ODAPH: variants seen among roughly 807,000 people sequenced by gnomAD.
The protein encoded by ODAPH is amelogenesis imperfecta type IIA4.
ODAPH carries 2 observed loss-of-function variants against 2.8 expected under a neutral mutation model. The ratio of observed to expected loss-of-function variants is 0.72; its 90% confidence interval spans 0.30 to 2.28. The LOEUF (loss-of-function observed/expected upper bound fraction) is 2.28. Among genes scored for constraint, ODAPH ranks in the 30% most tolerant of loss-of-function variants. The pLI, the probability that ODAPH is intolerant of heterozygous loss-of-function variation, is 0.13. For synonymous variants in ODAPH, 75 were observed against 60.3 expected, an observed-to-expected ratio of 1.24 and a Z score of -1.13; for missense variants, 159 against 163.3, an observed-to-expected ratio of 0.97 and a Z score of 0.14.
intron 1 of ODAPH, chr4:75,563,351 G>C (rs2148845591): frequency 6.5e-6 from 1 of 153,994 alleles, no homozygotes; most frequent in East Asian, 1.9e-4. Context: ...TAAAGGTAAG[G>C]CTTGATTACA....
intron 1 of ODAPH, among the ~76,000 whole-genome samples, chr4:75,559,968 C>T (rs555428223): frequency 2.4e-4 from 37 of 152,286 alleles, no homozygotes; most frequent in Admixed American, 6.5e-4. Flanking sequence ...TTAACCAAGC[C>T]TCTGGGTAGG....
chr4:75,562,561 A>AACT (rs1228524578), intron 1 of ODAPH, among the ~76,000 whole-genome samples: 5 of 152,236 alleles, frequency 3.3e-5, no homozygotes, highest in African/African-American at 4.8e-5. Context: ...GCTGGTCTCG[A>AACT]ACTACTGACC....
In ODAPH at chr4:75,562,320, C is replaced by A. The variant is rs910390121; in HGVS notation, c.68-1794C>A. Reference sequence around the variant, plus strand: ...TCCTTTATAAGTGCCTCAGCACTCTCAACTTCCTGTGGGAAGTTCTTTTTT... The same window carrying A: ...TCCTTTATAAGTGCCTCAGCACTCTAAACTTCCTGTGGGAAGTTCTTTTTT... On this transcript the variant is annotated intron_variant, in intron 1 of 1. Transcript: ENST00000311623. Among the ~76,000 whole-genome samples, 9 of 151,650 alleles carry A rather than the reference C, an allele frequency of 5.9e-5. No homozygotes were observed. In the East Asian group the frequency reaches 1.2e-3, roughly 20 times the overall value.
chr4:75,563,005 CTT>C (rs542417085), intron 1 of ODAPH, among the ~76,000 whole-genome samples: 5 of 59,598 alleles, frequency 8.4e-5, no homozygotes, highest in Admixed American at 2.7e-4. Flanking sequence ...ATCCACACAT[CTT>C]TTTTTTTTTT....
In ODAPH at chr4:75,564,685, A is replaced by C. The variant is rs1391166254; in HGVS notation, c.*246A>C. On this transcript the variant is annotated 3_prime_UTR_variant, in exon 2 of 2. Transcript: ENST00000311623. ...TTTATCCTCAACCTCTTATGGTCACAGGATATTTATGCAAATAAAATCTTT... is the reference window on the plus strand; with the variant it reads ...TTTATCCTCAACCTCTTATGGTCACCGGATATTTATGCAAATAAAATCTTT... 3 of 727,174 alleles carry C rather than the reference A, an allele frequency of 4.1e-6. No homozygotes were observed. The highest frequency in any genetic ancestry group is 3.6e-5 in the African/African-American group (2 of 56,144). 45.0% of individuals were successfully genotyped at this position (727,174 alleles called of 1,614,324 possible).
At chr4:75,557,876 C>T (rs1039578807) in intron 1 of ODAPH, among the ~76,000 whole-genome samples, 4 of 152,182 alleles carry the variant, frequency 2.6e-5, no homozygotes, top group Admixed American at 6.5e-5. Flanking sequence ...CCTCCACTTG[C>T]TTTCACCTCT....
At chr4:75,559,824 G>A (rs1727488530) in intron 1 of ODAPH, among the ~76,000 whole-genome samples, 2 of 152,348 alleles carry the variant, frequency 1.3e-5, no homozygotes, top group South Asian at 4.1e-4. Context: ...GGGATGAGGA[G>A]GCAGCAGTCT....
chr4:75,559,204 G>A (rs751422263), intron 1 of ODAPH, among the ~76,000 whole-genome samples: 8 of 152,178 alleles, frequency 5.3e-5, no homozygotes, highest in Non-Finnish European at 1.0e-4. Flanking sequence ...TGTCATTGGC[G>A]AGGTCCTATT....
At chr4:75,561,163 G>T (rs1046185749) in intron 1 of ODAPH, among the ~76,000 whole-genome samples, 1 of 147,246 alleles carries the variant, frequency 6.8e-6, no homozygotes, top group African/African-American at 2.5e-5. Flanking sequence ...GGCGGAGCTT[G>T]CAGTGAGCCG....
chr4:75,563,968 T>A, intron 1 of ODAPH, 146 bp from the exon 2 acceptor site: 1 of 700,166 alleles, frequency 1.4e-6, no homozygotes, highest in Non-Finnish European at 2.4e-6. Flanking sequence ...TGTGTCTCAT[T>A]TCATTGAACG....
intron 1 of ODAPH, 146 bp downstream of exon 1, chr4:75,556,295 G>A: frequency 6.8e-6 from 6 of 879,454 alleles, no homozygotes; most frequent in Non-Finnish European, 3.6e-6. Flanking sequence ...AGAGAAGGAA[G>A]TTGGATTTTG....
Position 75,564,402 on chromosome 4 carries a change from G to A in ODAPH, c.356G>A (p.Arg119Lys), listed in dbSNP as rs781610477. ...CTTACTTATAGGTATTTCCCCAGAA[G>A]AAGACTCCAGAGAGGAAGCTCATCT... ...RYLTYRYFPRRRLQRGSSSEE... is the reference protein window; with the variant it reads ...RYLTYRYFPRKRLQRGSSSEE... Residue 119 changes from arginine to lysine, a missense_variant, in exon 2 of 2, where the codon AGA (arginine) becomes AAA (lysine). By Grantham distance (26) the Arg-to-Lys change is conservative (BLOSUM62 2). Coordinates refer to ENST00000311623, the MANE Select transcript of ODAPH (RefSeq NM_178497.5). The A allele has an allele frequency of 1.2e-6, 2 of 1,614,156 alleles. No homozygotes were observed. The highest frequency in any genetic ancestry group is 1.7e-6 in the Non-Finnish European group (2 of 1,180,034).
At chr4:75,565,565 G>A (rs1275638850), downstream of ODAPH, 18 of 152,144 alleles carry the variant, frequency 1.2e-4, no homozygotes, top group Admixed American at 5.2e-4. Context: ...GGTGCAATAT[G>A]AGAAACAAAT....
chr4:75,557,146 A>G (rs1168315880), intron 1 of ODAPH, among the ~76,000 whole-genome samples: 1 of 152,190 alleles, frequency 6.6e-6, no homozygotes, highest in East Asian at 1.9e-4. Flanking sequence ...TAGATTATGA[A>G]CAAAACCTGC....
At chr4:75,559,757 A>G (rs1242543293) in intron 1 of ODAPH, among the ~76,000 whole-genome samples, 3 of 152,226 alleles carry the variant, frequency 2.0e-5, no homozygotes, top group South Asian at 2.1e-4. Context: ...TAACTTTGCA[A>G]TTATAGAAAC....
intron 1 of ODAPH, among the ~76,000 whole-genome samples, chr4:75,562,724 T>C (rs1386022320): frequency 1.3e-5 from 2 of 152,184 alleles, no homozygotes; most frequent in Non-Finnish European, 2.9e-5. Flanking sequence ...ATTACTTTTT[T>C]GTAGCCAATT....
At chr4:75,557,690 C>T (rs1465897813) in intron 1 of ODAPH, among the ~76,000 whole-genome samples, 1 of 152,164 alleles carries the variant, frequency 6.6e-6, no homozygotes, top group Non-Finnish European at 1.5e-5. Flanking sequence ...GAATTTGGCT[C>T]ACTTTTCCCT....
At chr4:75,564,851 T>C (rs992216869), downstream of ODAPH, 9 of 333,190 alleles carry the variant, frequency 2.7e-5, no homozygotes, top group Non-Finnish European at 2.8e-5. Context: ...TTATACTCAT[T>C]GGAAAACATA....
intron 1 of ODAPH, among the ~76,000 whole-genome samples, chr4:75,557,427 G>T (rs1727379706): frequency 6.6e-6 from 1 of 152,096 alleles, no homozygotes; most frequent in Non-Finnish European, 1.5e-5. Context: ...ATCACCTGAG[G>T]TCGGGAGTTC....
Sources: gnomAD v4.1 joint callset for allele counts (sites outside exome capture counted in the v4.1 genomes callset) on GRCh38, gnomAD v4.1.1 for gene constraint, MANE v1.5 for transcripts, NCBI Gene and HGNC (gene_info 2026-07-23, HGNC 2026-07-21) for gene names.